The following ARHGEF7 variants were observed in gnomAD, a reference collection of about 807,000 sequenced individuals.
The protein encoded by ARHGEF7 is PAK-interacting exchange factor beta.
A neutral mutation model predicts 109.8 loss-of-function variants in ARHGEF7; 33 were observed. The ratio of observed to expected loss-of-function variants is 0.30; its 90% CI spans 0.23 to 0.40. The LOEUF (loss-of-function observed/expected upper bound fraction) is 0.40, where lower values mean the gene tolerates loss of function less well. Ranked by LOEUF, ARHGEF7 falls within the 10% of genes least tolerant of loss-of-function variation. The pLI is 1.00. For missense variants in ARHGEF7, 938 were observed against 1,098.5 expected, an observed-to-expected ratio of 0.85 and a Z score of 2.07; for synonymous variants, 458 against 424.6, an observed-to-expected ratio of 1.08 and a Z score of -0.97.
chr13:111,214,704 G>T (rs79455182), intron 4 of ARHGEF7, among the ~76,000 whole-genome samples: 3 of 152,352 alleles, frequency 2.0e-5, no homozygotes, highest in African/African-American at 7.2e-5. Context: ...AGAGAGCTTT[G>T]TGTCTGCGCT....
At chr13:111,195,604 T>A (rs1466064794) in intron 2 of ARHGEF7, among the ~76,000 whole-genome samples, 1 of 152,202 alleles carries the variant, frequency 6.6e-6, no homozygotes, top group African/African-American at 2.4e-5. Flanking sequence ...AGCTGGCGCT[T>A]GCTCTGGGCA....
chr13:111,205,382 C>CT lies in ARHGEF7; in HGVS notation c.337+15dup, dbSNP rs774072471. On this transcript the variant is annotated intron_variant, in intron 3 of 21. Transcript: ENST00000646102. ...AAATAAAGTAACAGCAGGTAAGACT[C>CT]TTTTTTATTGAACTCGAGGGGGTGG... is the stretch of plus-strand genomic sequence containing the variant. 13 of 1,573,116 alleles carry CT rather than the reference C, an allele frequency of 8.3e-6. No individual in the cohort carries two copies. Among genetic ancestry groups the CT allele is most frequent in the Admixed American group, 8.0e-5 (4 of 49,942 alleles).
Position 111,292,485 on chromosome 13 carries a change from C to T in ARHGEF7, c.2311+191C>T. On this transcript the variant is annotated intron_variant, in intron 19 of 21. Transcript: ENST00000646102. Reference sequence around the variant, plus strand: ...CCCATTGTACTTTGTGGAGGCTTAACTGCCGATGCGAGTATACATTCGAAT... The same window carrying T: ...CCCATTGTACTTTGTGGAGGCTTAATTGCCGATGCGAGTATACATTCGAAT... 2.1e-6 allele frequency: 3 copies of T among 1,436,604 alleles called. No homozygotes were observed. In the East Asian group the frequency reaches 7.5e-5, roughly 36 times the overall value. 89.0% of individuals were successfully genotyped at this position (1,436,604 alleles called of 1,614,324 possible). A position where few individuals can be genotyped will look rare whatever the true frequency, so the allele number is the denominator to read the frequency against.
At chr13:111,282,879 C>G in intron 15 of ARHGEF7, 2 of 568,794 alleles carry the variant, frequency 3.5e-6, no homozygotes, top group Non-Finnish European at 3.1e-6. Context: ...CTTTTGAGTG[C>G]TGGGGCCCCA....
At chr13:111,124,485 T>C (rs2067424203) in intron 1 of ARHGEF7, among the ~76,000 whole-genome samples, 1 of 152,210 alleles carries the variant, frequency 6.6e-6, no homozygotes, top group South Asian at 2.1e-4. Flanking sequence ...ATGCTGGCCC[T>C]CTCCATGTTC....
intron 5 of ARHGEF7, among the ~76,000 whole-genome samples, chr13:111,221,505 A>ATATATATAGATATATATCTATATATATC (rs778036155): frequency 1.2e-4 from 9 of 74,650 alleles, no homozygotes; most frequent in Non-Finnish European, 2.0e-4. Flanking sequence ...ATATATATCT[A>ATATATATAGATATATATCTATATATATC]TATATATAGA....
chr13:111,167,190 A>G (rs141894569), intron 2 of ARHGEF7, among the ~76,000 whole-genome samples: 141 of 152,256 alleles, frequency 9.3e-4, no homozygotes, highest in African/African-American at 3.3e-3. Context: ...ACCATGCAAA[A>G]ATAGGTTTGT....
intron 18 of ARHGEF7, among the ~76,000 whole-genome samples, chr13:111,290,732 T>C (rs182567464): frequency 6.4e-4 from 97 of 152,364 alleles, no homozygotes; most frequent in Middle Eastern, 3.4e-3. Flanking sequence ...GAACGATACA[T>C]TGATTTTTGT....
intron 2 of ARHGEF7, among the ~76,000 whole-genome samples, chr13:111,159,393 A>G (rs770204775): frequency 6.6e-6 from 1 of 152,178 alleles, no homozygotes; most frequent in African/African-American, 2.4e-5. Flanking sequence ...TTCTTTGGCT[A>G]TATACCCAGT....
At chr13:111,279,687 A>G (rs912734660) in intron 13 of ARHGEF7, among the ~76,000 whole-genome samples, 7 of 152,102 alleles carry the variant, frequency 4.6e-5, no homozygotes, top group African/African-American at 1.7e-4. Flanking sequence ...TTCCATTGAC[A>G]TTTCCTGGTG....
chr13:111,244,394 C>A, intron 8 of ARHGEF7, 100 bp downstream of exon 8: 1 of 721,136 alleles, frequency 1.4e-6, no homozygotes, highest in Non-Finnish European at 2.3e-6. Context: ...TCTAAAGATG[C>A]AAACTTAAGT....
At chr13:111,190,507 G>C (rs957886537) in intron 2 of ARHGEF7, among the ~76,000 whole-genome samples, 1 of 151,984 alleles carries the variant, frequency 6.6e-6, no homozygotes, top group Non-Finnish European at 1.5e-5. Flanking sequence ...TGGGATTGTA[G>C]AGTAAGGATA....
At chr13:111,175,980 G>C (rs1307792377) in intron 2 of ARHGEF7, among the ~76,000 whole-genome samples, 6 of 152,146 alleles carry the variant, frequency 3.9e-5, no homozygotes, top group African/African-American at 1.2e-4. Flanking sequence ...CAGATCTTGT[G>C]AGAACTCACT....
chr13:111,177,328 G>A (rs778764417), intron 2 of ARHGEF7, among the ~76,000 whole-genome samples: 1 of 152,198 alleles, frequency 6.6e-6, no homozygotes. Flanking sequence ...TTGTGTTATC[G>A]TCCTTTTGTC....
rs535200943 is a variant in ARHGEF7 at position 111,275,788 on chromosome 13, A to G, written c.1419+110A>G. On this transcript the variant is annotated intron_variant, in intron 12 of 21. Coordinates refer to ENST00000646102, the MANE Select transcript of ARHGEF7 (RefSeq NM_001354046.2). The stretch of plus-strand genomic sequence containing the variant: ...ATGAAAAATGTCTAATAGAAGCTCT[A>G]TCTTATAATTTGTGAGCTACTTTTT... 3.3e-5 allele frequency: 45 copies of G among 1,383,314 alleles called. 1 individual carries two copies. Among genetic ancestry groups the G allele is most frequent in the African/African-American group, 2.9e-4 (20 of 70,026 alleles). The allele number at this position is 1,383,314 out of a possible 1,614,324, so 85.7% of individuals were successfully genotyped here.
At chr13:111,197,457 A>G (rs1357691246) in intron 2 of ARHGEF7, among the ~76,000 whole-genome samples, 1 of 152,164 alleles carries the variant, frequency 6.6e-6, no homozygotes, top group Admixed American at 6.5e-5. Flanking sequence ...AATGACCCTT[A>G]CTGACGCATT....
chr13:111,212,831 A>G (rs1011860260), intron 4 of ARHGEF7, among the ~76,000 whole-genome samples: 9 of 152,236 alleles, frequency 5.9e-5, no homozygotes, highest in African/African-American at 4.8e-5. Flanking sequence ...AAGTACGTGT[A>G]TCTTACAGTT....
rs774347347 is a variant in ARHGEF7 at position 111,244,264 on chromosome 13, T to C, written c.920T>C (p.Met307Thr). 4 of 1,609,710 alleles carry C rather than the reference T, an allele frequency of 2.5e-6. No individual in the cohort carries two copies. The South Asian group carries it at 4.5e-5, about 18-fold the overall frequency. ...GAAGAAATATGTTCTTTCCAGCAAA[T>C]GCTCGTACAGTCTTTAGAAGAATGC... The part of the protein sequence containing the change: ...NLEEICSFQQ[M>T]LVQSLEECTK... The change falls in exon 8 of 22, where the codon ATG becomes ACG. Residue 307 changes from methionine to threonine, a missense_variant. Met to Thr is a moderately conservative substitution (Grantham distance 81). Around this residue, in one of 4 missense-constraint regions of ARHGEF7, gnomAD observed 585 missense variants for 723.6 expected, o/e 0.81. Coordinates refer to ENST00000646102, the MANE Select transcript of ARHGEF7 (RefSeq NM_001354046.2).
At chr13:111,251,368 C>G (rs2089750202) in intron 8 of ARHGEF7, among the ~76,000 whole-genome samples, 1 of 152,118 alleles carries the variant, frequency 6.6e-6, no homozygotes, top group Non-Finnish European at 1.5e-5. Flanking sequence ...CAGGCGAGAT[C>G]AGGTCCTGGA....
Sources: gnomAD v4.1 joint callset for allele counts (sites outside exome capture counted in the v4.1 genomes callset) on GRCh38, gnomAD v4.1.1 for gene constraint, gnomAD v4.1.1 regional missense constraint, MANE v1.5 for transcripts, NCBI Gene and HGNC (gene_info 2026-07-23, HGNC 2026-07-21) for gene names.